Variants in WDR4 observed in about 807,000 individuals in gnomAD.
The protein encoded by WDR4 is tRNA (guanine-N(7)-)-methyltransferase non-catalytic subunit WDR4.
A neutral mutation model predicts 48.6 loss-of-function variants in WDR4; 47 were observed. That is an observed-to-expected ratio of 0.97 (90% CI 0.77 to 1.23). WDR4 has a LOEUF of 1.23. Among genes scored for constraint, WDR4 ranks in the 50% most tolerant of loss-of-function variants. The probability of loss-of-function intolerance (pLI) is 0.00; values close to 1 mark genes in which losing one functional copy is unlikely to be tolerated. For synonymous variants in WDR4, 268 were observed against 230.0 expected, an observed-to-expected ratio of 1.17 and a Z score of -1.49; for missense variants, 606 against 551.6, an observed-to-expected ratio of 1.10 and a Z score of -0.99.
intron 6 of WDR4, 72 bp from the exon 7 acceptor site, chr21:42,855,852 G>A (rs530002521): frequency 5.2e-5 from 67 of 1,291,570 alleles, no homozygotes; most frequent in Non-Finnish European, 6.8e-5. Flanking sequence ...AGAGAGGACA[G>A]CTGCGTGTGG....
At chr21:42,880,747 CTT>C (rs1369582459), upstream of WDR4, among the ~76,000 whole-genome samples, 2 of 152,120 alleles carry the variant, frequency 1.3e-5, no homozygotes, top group Non-Finnish European at 2.9e-5. Context: ...CTTTGAGAAA[CTT>C]TCTCAACCTC....
Position 42,855,720 on chromosome 21 carries a change from C to T in WDR4, c.688G>A (p.Ala230Thr). The T allele has an allele frequency of 6.4e-7, 1 of 1,555,672 alleles. No individual in the cohort carries two copies. The highest frequency in any genetic ancestry group is 8.7e-7 in the Non-Finnish European group (1 of 1,149,346). ...GGGTCCACCAGCTCCTGCAGACTGG[C>T]CAGGTGACAGCAGTGCAGCTGGCGG... is the stretch of plus-strand genomic sequence containing the variant. ...SGRQLHCCHL[A>T]SLQELVDPQA... The change falls in exon 7 of 11, where the codon GCC becomes ACC. Residue 230 changes from alanine to threonine, a missense_variant. Coordinates refer to ENST00000398208, the MANE Select transcript of WDR4 (RefSeq NM_018669.6).
chr21:42,875,228 T>C (rs2058464125), intron 2 of WDR4, among the ~76,000 whole-genome samples: 3 of 152,000 alleles, frequency 2.0e-5, no homozygotes, highest in South Asian at 2.1e-4. Context: ...CTGGGTAACA[T>C]GGCGAAACCA....
chr21:42,843,098 T>TA (rs2057680534), exon 12 of WDR4: 1 of 152,234 alleles, frequency 6.6e-6, no homozygotes, highest in South Asian at 2.1e-4. Context: ...ACCATGTTCC[T>TA]AGTCAAAAAT....
chr21:42,879,056 T>C (rs914705654), intron 1 of WDR4: 2 of 1,090,944 alleles, frequency 1.8e-6, no homozygotes, highest in Non-Finnish European at 1.1e-6. Context: ...CCTTGCTGAC[T>C]GGTCAGCGTC....
chr21:42,862,193 C>G lies in WDR4; in HGVS notation c.566+89G>C. 7.9e-7 allele frequency: 1 copy of G among 1,266,834 alleles called. No individual in the cohort carries two copies. Among genetic ancestry groups the G allele is most frequent in the South Asian group, 1.4e-5 (1 of 73,622 alleles). The allele number at this position is 1,266,834 out of a possible 1,614,324, so 78.5% of individuals were successfully genotyped here. On this transcript the variant is annotated intron_variant, in intron 5 of 10. Coordinates refer to ENST00000398208, the MANE Select transcript of WDR4 (RefSeq NM_018669.6). This position sits in a 1 kb window ranked among gnomAD's most constrained non-coding sequence, Gnocchi z 4.3. ...CTGCTGTCACCCGCGTGGGGCCTCGCCAGCTACAACGGCACCTGCTGAGCC... is the reference window on the plus strand; with the variant it reads ...CTGCTGTCACCCGCGTGGGGCCTCGGCAGCTACAACGGCACCTGCTGAGCC...
chr21:42,872,131 C>T (rs750578434), intron 3 of WDR4, among the ~76,000 whole-genome samples: 5 of 152,020 alleles, frequency 3.3e-5, no homozygotes, highest in African/African-American at 4.8e-5. Context: ...ACTACAGGCA[C>T]GCACCACCAT....
At chr21:42,844,196 A>G (rs2057690906) in intron 11 of WDR4, among the ~76,000 whole-genome samples, 1 of 152,214 alleles carries the variant, frequency 6.6e-6, no homozygotes, top group South Asian at 2.1e-4. Flanking sequence ...AGCCCATTCG[A>G]GTACCTGGGA....
chr21:42,867,301 G>C (rs2058267717), intron 3 of WDR4, among the ~76,000 whole-genome samples: 1 of 149,658 alleles, frequency 6.7e-6, no homozygotes, highest in South Asian at 2.1e-4. Flanking sequence ...TGAGGCAGGA[G>C]AATCGCTTGA....
At chr21:42,844,528 G>C (rs368918778), downstream of WDR4, among the ~76,000 whole-genome samples, 22 of 152,344 alleles carry the variant, frequency 1.4e-4, 1 homozygote, top group South Asian at 2.1e-3. Flanking sequence ...CGCCAGGACT[G>C]AGACAACAAA....
At chr21:42,884,189 G>A (rs527271470), upstream of WDR4, among the ~76,000 whole-genome samples, 21 of 152,292 alleles carry the variant, frequency 1.4e-4, no homozygotes, top group African/African-American at 4.3e-4. Context: ...TGGTTGATAG[G>A]CAGTTTGGGA....
chr21:42,852,417 A>G, intron 9 of WDR4, 93 bp from the exon 10 acceptor site: 4 of 1,431,678 alleles, frequency 2.8e-6, no homozygotes, highest in Non-Finnish European at 3.9e-6. Context: ...AGAGGCTTGC[A>G]GGGGAGGTCC....
chr21:42,852,516 C>G (rs914576878), intron 9 of WDR4, among the ~76,000 whole-genome samples, 192 bp from the exon 10 acceptor site: 5 of 152,248 alleles, frequency 3.3e-5, no homozygotes, highest in African/African-American at 1.2e-4. Flanking sequence ...AGGGCAAGCT[C>G]TTCACATGCA....
At chr21:42,859,934 G>A (rs1330439986) in intron 5 of WDR4, among the ~76,000 whole-genome samples, 1 of 152,146 alleles carries the variant, frequency 6.6e-6, no homozygotes, top group African/African-American at 2.4e-5. Context: ...GGGGAGGTGA[G>A]TGAGGTCATT....
chr21:42,854,513 C>T lies in WDR4; in HGVS notation c.791+49G>A. On this transcript the variant is annotated intron_variant, in intron 8 of 10. Coordinates refer to ENST00000398208, the MANE Select transcript of WDR4 (RefSeq NM_018669.6). ...AGTGGCCAACCCGCTAACTCTTCCC[C>T]CTGCAGGTCTGCAGAACCGGAGGCC... 3 of 1,583,734 alleles carry T rather than the reference C, an allele frequency of 1.9e-6. No homozygotes were observed. In the South Asian group the frequency reaches 3.4e-5, roughly 18 times the overall value.
Position 42,876,721 on chromosome 21 carries a change from T to A in WDR4, c.136A>T (p.Lys46Ter). The A allele has an allele frequency of 6.2e-7, 1 of 1,613,570 alleles. No individual in the cohort carries two copies. The highest frequency in any genetic ancestry group is 8.5e-7 in the Non-Finnish European group (1 of 1,179,762). Residue 46 changes from lysine (K) to a stop codon, truncating the protein, a stop_gained, in exon 2 of 11, where the codon AAG becomes TAG. Transcript: ENST00000398208. LOFTEE classifies it high-confidence loss of function. ...TCTCACCCTTTATTTTCTTGTGACT[T>A]CTTTTCTGCAGCACTGCAGTCATAG... ...FIYDCSAAEK[K>*]SQENKGEDAP...
intron 3 of WDR4, among the ~76,000 whole-genome samples, chr21:42,869,209 G>A (rs749385658): frequency 6.6e-6 from 1 of 152,094 alleles, no homozygotes; most frequent in East Asian, 1.9e-4. Flanking sequence ...TTTTCTGTAC[G>A]GACCAAAACC....
downstream of WDR4, among the ~76,000 whole-genome samples, chr21:42,847,515 GGAA>G (rs2057721200): frequency 6.6e-6 from 1 of 152,178 alleles, no homozygotes; most frequent in Non-Finnish European, 1.5e-5. Context: ...ACCCCGCTGG[GGAA>G]GAAGCAGAGC....
downstream of WDR4, chr21:42,849,216 A>G: frequency 6.5e-6 from 1 of 152,848 alleles, no homozygotes; most frequent in Admixed American, 6.5e-5. Context: ...CACACAGCGC[A>G]GGCACCAAGG....
Sources: gnomAD v4.1 joint callset for allele counts (sites outside exome capture counted in the v4.1 genomes callset) on GRCh38, gnomAD v4.1.1 for gene constraint, Gnocchi (gnomAD v3.1) non-coding constraint, MANE v1.5 for transcripts, NCBI Gene and HGNC (gene_info 2026-07-23, HGNC 2026-07-21) for gene names.